The following PDE4B variants were observed in gnomAD, a reference collection of about 807,000 sequenced individuals.
PDE4B encodes the protein 3',5'-cyclic-AMP phosphodiesterase 4B.
In PDE4B, 20 loss-of-function variants were observed where a neutral mutation model predicts 82.2. That is an observed-to-expected ratio of 0.24 (90% CI 0.17 to 0.35). The LOEUF is 0.35. Ranked by LOEUF, PDE4B falls within the 10% of genes least tolerant of loss-of-function variation. The pLI, the probability that PDE4B is intolerant of heterozygous loss-of-function variation, is 1.00. For missense variants in PDE4B, 655 were observed against 907.2 expected, an observed-to-expected ratio of 0.72 and a Z score of 3.57; for synonymous variants, 320 against 318.9, an observed-to-expected ratio of 1.00 and a Z score of -0.04.
At chr1:66,244,381 G>A (rs893807328) in intron 3 of PDE4B, among the ~76,000 whole-genome samples, 2 of 152,046 alleles carry the variant, frequency 1.3e-5, no homozygotes, top group African/African-American at 4.8e-5. Flanking sequence ...TGAAATATGT[G>A]TCCTGATGAA....
intron 3 of PDE4B, among the ~76,000 whole-genome samples, chr1:66,098,898 A>C (rs1645166715): frequency 6.6e-6 from 1 of 152,152 alleles, no homozygotes; most frequent in Non-Finnish European, 1.5e-5. Context: ...ACACATGCAC[A>C]CACAAATATA....
At chr1:66,097,663 A>G (rs918277116) in intron 3 of PDE4B, among the ~76,000 whole-genome samples, 3 of 151,428 alleles carry the variant, frequency 2.0e-5, no homozygotes, top group African/African-American at 7.3e-5. Context: ...CCATTATTTT[A>G]TATTACTCTT....
chr1:66,120,529 C>A (rs556495465), intron 3 of PDE4B, among the ~76,000 whole-genome samples: 1 of 152,218 alleles, frequency 6.6e-6, no homozygotes, highest in African/African-American at 2.4e-5. Context: ...GGACTCAGTA[C>A]ACAAATGGGT....
In PDE4B at chr1:66,050,972, G is replaced by A. The variant is rs114669363; in HGVS notation, c.281+132137G>A. Among the ~76,000 whole-genome samples, 1,340 of 152,162 alleles carry A rather than the reference G, an allele frequency of 8.8e-3. 4 individuals are homozygous for A. The highest frequency in any genetic ancestry group is 0.015 in the Non-Finnish European group (1,007 of 67,974). On this transcript the variant is annotated intron_variant, in intron 3 of 16. Transcript: ENST00000341517. ...AAAAGAACAGCCTGAGGCAGAGTGA[G>A]GAATCTAGACACAGAAAATTCCCAA...
intron 3 of PDE4B, among the ~76,000 whole-genome samples, chr1:66,163,168 G>A (rs1013668231): frequency 2.6e-5 from 4 of 152,144 alleles, no homozygotes; most frequent in Non-Finnish European, 5.9e-5. Context: ...AGACTCACCT[G>A]CAGAATGGAA....
intron 3 of PDE4B, among the ~76,000 whole-genome samples, chr1:66,184,409 C>A (rs11208810): frequency 0.039 from 5,956 of 152,190 alleles, 228 homozygotes; most frequent in African/African-American, 0.1. Flanking sequence ...CAATCATAGA[C>A]AAACTCTCTG....
intron 3 of PDE4B, among the ~76,000 whole-genome samples, chr1:66,086,351 T>A (rs939240540): frequency 2.0e-5 from 3 of 152,106 alleles, no homozygotes; most frequent in African/African-American, 7.2e-5. Context: ...ATTTTGTATC[T>A]TTTCTACCTG....
intron 3 of PDE4B, among the ~76,000 whole-genome samples, chr1:65,944,771 A>G (rs1648617894): frequency 6.6e-6 from 1 of 151,820 alleles, no homozygotes; most frequent in Non-Finnish European, 1.5e-5. Flanking sequence ...TTGGGTCTGG[A>G]GATTTGGAGA....
intron 3 of PDE4B, among the ~76,000 whole-genome samples, chr1:66,046,451 G>C (rs1001188734): frequency 8.6e-5 from 13 of 151,652 alleles, no homozygotes; most frequent in Non-Finnish European, 3.0e-5. Flanking sequence ...CTTTCCTTTA[G>C]CCATATTCCA....
chr1:66,095,964 G>A (rs531104923), intron 3 of PDE4B, among the ~76,000 whole-genome samples: 1 of 151,644 alleles, frequency 6.6e-6, no homozygotes, highest in African/African-American at 2.4e-5. Context: ...AATGTGTATT[G>A]ATGAGATCAG....
At chr1:65,993,005 G>A (rs139413416) in intron 3 of PDE4B, 14 of 1,613,940 alleles carry the variant, frequency 8.7e-6, no homozygotes, top group South Asian at 1.1e-5. Context: ...TTGAGCTTCC[G>A]AGATTACCAG....
At chr1:66,353,268 A>G (rs1661975839) in intron 8 of PDE4B, among the ~76,000 whole-genome samples, 1 of 152,200 alleles carries the variant, frequency 6.6e-6, no homozygotes, top group South Asian at 2.1e-4. Flanking sequence ...GGAAACACAC[A>G]CACATACGCA....
At chr1:65,854,233 TA>T (rs1389581274) in intron 1 of PDE4B, among the ~76,000 whole-genome samples, 1 of 151,576 alleles carries the variant, frequency 6.6e-6, no homozygotes, top group Non-Finnish European at 1.5e-5. Context: ...ATATACATAA[TA>T]AATGCATGTT....
chr1:66,109,125 G>T (rs1319065222), intron 3 of PDE4B, among the ~76,000 whole-genome samples: 2 of 151,910 alleles, frequency 1.3e-5, no homozygotes, highest in Non-Finnish European at 2.9e-5. Context: ...TAGAGCCTGT[G>T]AAACCCTGTT....
intron 16 of PDE4B, among the ~76,000 whole-genome samples, chr1:66,371,021 A>AATAC (rs1337461307): frequency 1.4e-5 from 2 of 145,772 alleles, no homozygotes; most frequent in Non-Finnish European, 3.0e-5. Flanking sequence ...AGAATAAGAA[A>AATAC]ATATATATAT....
At chr1:66,082,428 CA>C (rs1237157330) in intron 3 of PDE4B, among the ~76,000 whole-genome samples, 1 of 151,996 alleles carries the variant, frequency 6.6e-6, no homozygotes, top group Non-Finnish European at 1.5e-5. Context: ...TCTCTTTTGA[CA>C]GGACTTTCTC....
chr1:65,913,303 TC>T lies in PDE4B; in HGVS notation c.-10del, dbSNP rs754198850. ...ACAGACATCCTAAGAGGGGATATTT[TC>T]CACCTCTATAATGAAGAAAAGCAGG... On this transcript the variant is annotated 5_prime_UTR_variant, in exon 2 of 17. Coordinates refer to ENST00000341517, the MANE Select transcript of PDE4B (RefSeq NM_002600.4). The T allele has an allele frequency of 1.9e-6, 3 of 1,611,924 alleles. No individual in the cohort carries two copies. Among genetic ancestry groups the T allele is most frequent in the Non-Finnish European group, 2.5e-6 (3 of 1,178,086 alleles).
At position 65,915,481 on chromosome 1, in the gene PDE4B, T is replaced by C. The variant is rs534633301; in HGVS notation, c.42+2125T>C. Among the ~76,000 whole-genome samples, 4 of 152,310 alleles carry C rather than the reference T, an allele frequency of 2.6e-5. No homozygotes were observed. In the East Asian group the frequency reaches 7.7e-4, roughly 29 times the overall value. ...AGTAGGAGACCTTAAAAATACCTTA[T>C]TCCATTTTCTCACTATGAGTTTAAC... On this transcript the variant is annotated intron_variant, in intron 2 of 16. Coordinates refer to ENST00000341517, the MANE Select transcript of PDE4B (RefSeq NM_002600.4).
At position 65,808,281 on chromosome 1, in the gene PDE4B, C is replaced by T. The variant is rs1334274174; in HGVS notation, c.-71+15033C>T. On this transcript the variant is annotated intron_variant, in intron 1 of 16. Coordinates refer to ENST00000341517, the MANE Select transcript of PDE4B (RefSeq NM_002600.4). ...TCAACTCCTGGGCTCAAGTGACCCTCCTGCCTCAACCTCCCAAGTAGCTAG... is the reference window on the plus strand; with the variant it reads ...TCAACTCCTGGGCTCAAGTGACCCTTCTGCCTCAACCTCCCAAGTAGCTAG... 4.6e-5 allele frequency among the ~76,000 whole-genome samples: 7 copies of T among 151,754 alleles called. No homozygotes were observed. The South Asian group carries it at 1.2e-3, about 27-fold the overall frequency.
Sources: allele counts gnomAD v4.1 joint callset (sites outside exome capture counted in the v4.1 genomes callset), GRCh38; gene constraint gnomAD v4.1.1; transcripts MANE v1.5; gene names NCBI Gene and HGNC (gene_info 2026-07-23, HGNC 2026-07-21).